BSN: variants seen among roughly 807,000 people sequenced by gnomAD.
The protein encoded by BSN is bassoon presynaptic cytomatrix protein.
Under a neutral mutation model 264.8 loss-of-function variants are expected in BSN, and 57 were observed. The ratio of observed to expected loss-of-function variants is 0.22; its 90% confidence interval spans 0.17 to 0.27. The LOEUF (loss-of-function observed/expected upper bound fraction) is 0.27. BSN is among the 10% of genes least tolerant of loss of function. The pLI, the probability that BSN is intolerant of heterozygous loss-of-function variation, is 1.00. For synonymous variants in BSN, 2,059 were observed against 2,137.3 expected (o/e 0.96, Z 1.01); for missense variants, 4,615 against 5,232.5 (o/e 0.88, Z 3.64).
Position 49,654,847 on chromosome 3 carries a change from G to T in BSN, c.5291G>T (p.Gly1764Val), listed in dbSNP as rs762216356. 1 of 1,613,548 alleles carries T rather than the reference G, an allele frequency of 6.2e-7. No homozygotes were observed. The highest frequency in any genetic ancestry group is 1.7e-5 in the Admixed American group (1 of 60,012). Reference protein sequence around the residue: ...PYQSRLDFGQGGGSPVCLAQV... With the variant: ...PYQSRLDFGQVGGSPVCLAQV... Reference sequence around the variant, plus strand: ...CAGAGCCGCCTTGACTTTGGCCAGGGTGGGGGTAGCCCTGTGTGCCTGGCC... The same window carrying T: ...CAGAGCCGCCTTGACTTTGGCCAGGTTGGGGGTAGCCCTGTGTGCCTGGCC... Residue 1764 changes from glycine (G) to valine (V), a missense_variant, in exon 5 of 12, where the codon GGT becomes GTT. Around this residue, in one of 3 missense-constraint regions of BSN, gnomAD observed 3,415 missense variants for 3,866.4 expected, o/e 0.88. Transcript: ENST00000296452. This position sits in a 1 kb window ranked among gnomAD's most constrained non-coding sequence, Gnocchi z 4.1.
chr3:49,578,500 T>C (rs2051865166), intron 1 of BSN, among the ~76,000 whole-genome samples: 1 of 151,844 alleles, frequency 6.6e-6, no homozygotes, highest in South Asian at 2.1e-4. Flanking sequence ...TTCCGCCTCC[T>C]GGGTTCACGC....
chr3:49,663,578 C>G lies in BSN; in HGVS notation c.11420C>G (p.Thr3807Ser). 6.2e-7 allele frequency: 1 copy of G among 1,606,562 alleles called. No homozygotes were observed. The highest frequency in any genetic ancestry group is 8.5e-7 in the Non-Finnish European group (1 of 1,177,866). Residue 3807 changes from threonine (T) to serine (S), a missense_variant, in exon 7 of 12, where the codon ACC becomes AGC. Thr to Ser is a moderately conservative substitution (Grantham distance 58, BLOSUM62 1). Around this residue, in one of 3 missense-constraint regions of BSN, gnomAD observed 3,415 missense variants for 3,866.4 expected, o/e 0.88. Transcript: ENST00000296452. ...ARLQQQSQPT[T>S]RGSAPAASQP... ...CTGCAGCAACAGAGCCAGCCAACCA[C>G]CCGGGGCTCAGCCCCTGCTGCCAGC...
chr3:49,568,306 A>T (rs1366463517), intron 1 of BSN, among the ~76,000 whole-genome samples: 1 of 152,222 alleles, frequency 6.6e-6, no homozygotes, highest in Non-Finnish European at 1.5e-5. Context: ...GAAAGTAAAG[A>T]ATTGAAAACA....
At position 49,655,722 on chromosome 3, in the gene BSN, C is replaced by CTATAGCTT; in HGVS notation, c.6167_6168insATAGCTTT (p.Pro2057Ter). On this transcript the variant is annotated stop_gained and frameshift_variant, in exon 5 of 12. Transcript: ENST00000296452. LOFTEE classifies it high-confidence loss of function. ...TCCTACAGACCTTTTGGCTCACCCGCTTCCCATGCGGCGCTATAGCTCAGT... is the reference window on the plus strand; with the variant it reads ...TCCTACAGACCTTTTGGCTCACCCGCTATAGCTTTTCCCATGCGGCGCTATAGCTCAGT... The CTATAGCTT allele has an allele frequency of 6.2e-7, 1 of 1,613,530 alleles. No homozygotes were observed. The highest frequency in any genetic ancestry group is 8.5e-7 in the Non-Finnish European group (1 of 1,180,042).
rs1276010516 is a variant in BSN at position 49,634,894 on chromosome 3, T to TA, written c.634-7373dup. 2.0e-5 allele frequency among the ~76,000 whole-genome samples: 3 copies of TA among 152,100 alleles called. No homozygotes were observed. The East Asian group carries it at 5.8e-4, about 29-fold the overall frequency. ...ACATACACATACACACACATATATATACACCCCTCCCCCGCCCAGCTGCTA... is the reference window on the plus strand; with the variant it reads ...ACATACACATACACACACATATATATAACACCCCTCCCCCGCCCAGCTGCTA... On this transcript the variant is annotated intron_variant, in intron 2 of 11. Transcript: ENST00000296452.
chr3:49,652,132 AGGATGACACTGCCAC>A lies in BSN; in HGVS notation c.2577_2591del (p.Glu859_Thr864delinsAsp), dbSNP rs1178243893. ...AGCGCCGAGGAAGACAACCTGGAGG[AGGATGACACTGCCAC>A]CTCCGGGCGTGGCCTGGCCAAACAT... On this transcript the variant is annotated inframe_deletion, in exon 5 of 12. Transcript: ENST00000296452. 6.2e-7 allele frequency: 1 copy of A among 1,613,834 alleles called. No homozygotes were observed. Among genetic ancestry groups the A allele is most frequent in the Non-Finnish European group, 8.5e-7 (1 of 1,179,870 alleles).
rs764124940 is a variant in BSN at position 49,655,158 on chromosome 3, G to A, written c.5602G>A (p.Gly1868Arg). ...GCCACACACAGTGGTGGTGCAGATGGGAGAGGGCACAGCAGGCACTGTGAC... is the reference window on the plus strand; with the variant it reads ...GCCACACACAGTGGTGGTGCAGATGAGAGAGGGCACAGCAGGCACTGTGAC... Reference protein sequence around the residue: ...RKPHTVVVQMGEGTAGTVTTL... With the variant: ...RKPHTVVVQMREGTAGTVTTL... The change falls in exon 5 of 12, where the codon GGA becomes AGA. Residue 1868 changes from glycine (G) to arginine (R), a missense_variant. Physicochemically the swap from Gly to Arg is moderately radical, Grantham distance 125. Around this residue, in one of 3 missense-constraint regions of BSN, gnomAD observed 3,415 missense variants for 3,866.4 expected, o/e 0.88. Coordinates refer to ENST00000296452, the MANE Select transcript of BSN (RefSeq NM_003458.4). 1.2e-6 allele frequency: 2 copies of A among 1,612,516 alleles called. No individual in the cohort carries two copies. Among genetic ancestry groups the A allele is most frequent in the South Asian group, 1.1e-5 (1 of 91,074 alleles).
chr3:49,630,539 G>C (rs1334550080), intron 2 of BSN, among the ~76,000 whole-genome samples: 1 of 152,206 alleles, frequency 6.6e-6, no homozygotes, highest in Non-Finnish European at 1.5e-5. Context: ...CCTTTGGCCT[G>C]CTTACTTGCT....
At chr3:49,575,355 A>AAT (rs1359171409) in intron 1 of BSN, among the ~76,000 whole-genome samples, 1 of 150,376 alleles carries the variant, frequency 6.6e-6, no homozygotes, top group Non-Finnish European at 1.5e-5. Context: ...CTCTGTCTCA[A>AAT]ATATATATAT....
In BSN at chr3:49,589,347, T is replaced by C. The variant is rs533252183; in HGVS notation, c.224+34521T>C. On this transcript the variant is annotated intron_variant, in intron 1 of 11. Coordinates refer to ENST00000296452, the MANE Select transcript of BSN (RefSeq NM_003458.4). ...GTATTGAAGTATCCAATTACTGTTGTTGAATTGTCTATTTCTCCCTTCAAT... is the reference window on the plus strand; with the variant it reads ...GTATTGAAGTATCCAATTACTGTTGCTGAATTGTCTATTTCTCCCTTCAAT... Among the ~76,000 whole-genome samples, 100 of 152,216 alleles carry C rather than the reference T, an allele frequency of 6.6e-4. 3 individuals are homozygous for C. In the South Asian group the frequency reaches 0.014, roughly 22 times the overall value.
intron 1 of BSN, among the ~76,000 whole-genome samples, chr3:49,567,800 A>G (rs1231857924): frequency 6.6e-6 from 1 of 152,234 alleles, no homozygotes; most frequent in Admixed American, 6.5e-5. Context: ...GCACAGTAGA[A>G]TGGAGTGTGT....
Position 49,655,900 on chromosome 3 carries a change from A to G in BSN, c.6344A>G (p.His2115Arg), listed in dbSNP as rs1164157212. Residue 2115 changes from histidine to arginine, a missense_variant, in exon 5 of 12, where the codon CAT (histidine) becomes CGT (arginine). Transcript: ENST00000296452. ...LNSMDQYGGR[H>R]GSGGGGPDLV... ...TCCATGGACCAGTATGGTGGGCGGC[A>G]TGGCAGTGGTGGTGGTGGCCCTGAC... is the stretch of plus-strand genomic sequence containing the variant. 6.2e-7 allele frequency: 1 copy of G among 1,612,526 alleles called. No individual in the cohort carries two copies. Among genetic ancestry groups the G allele is most frequent in the East Asian group, 2.2e-5 (1 of 44,884 alleles).
chr3:49,589,841 TTTG>T (rs1361378103), intron 1 of BSN, among the ~76,000 whole-genome samples: 6 of 129,508 alleles, frequency 4.6e-5, no homozygotes, highest in Non-Finnish European at 1.0e-4. Context: ...TTTCTTTTTC[TTTG>T]TTTTTTTTTT....
chr3:49,656,255 C>G lies in BSN; in HGVS notation c.6699C>G (p.Ile2233Met), dbSNP rs1220482359. The G allele has an allele frequency of 8.7e-6, 14 of 1,612,066 alleles. No homozygotes were observed. In the Middle Eastern group the frequency reaches 6.6e-4, roughly 76 times the overall value. Reference protein sequence around the residue: ...GMYRPYASGGITAVPLTSLTR... With the variant: ...GMYRPYASGGMTAVPLTSLTR... ...ACAGGCCTTACGCATCTGGTGGAAT[C>G]ACAGCCGTGCCACTCACCAGTCTGA... The change falls in exon 5 of 12, where the codon ATC (isoleucine) becomes ATG (methionine). Residue 2233 changes from isoleucine (I) to methionine (M), a missense_variant. Ile to Met is a conservative substitution (Grantham distance 10). Around this residue, in one of 3 missense-constraint regions of BSN, gnomAD observed 3,415 missense variants for 3,866.4 expected, o/e 0.88. Transcript: ENST00000296452.
intron 1 of BSN, among the ~76,000 whole-genome samples, chr3:49,597,403 G>A (rs1441235206): frequency 6.6e-6 from 1 of 151,908 alleles, no homozygotes; most frequent in African/African-American, 2.4e-5. Context: ...CTACAGCCTC[G>A]ACTTCCCAGG....
Position 49,657,476 on chromosome 3 carries a change from C to T in BSN, c.7920C>T (p.Gly2640=). ...GTCTTCCCCGCCACTCAGACTCAGGCTCTGACAGCAAGCACGATGCCACTG... is the reference window on the plus strand; with the variant it reads ...GTCTTCCCCGCCACTCAGACTCAGGTTCTGACAGCAAGCACGATGCCACTG... ...RSRLPRHSDS[G]SDSKHDATAS... The change falls in exon 5 of 12, where the codon GGC becomes GGT. Residue 2640 remains glycine (G), a synonymous_variant. Coordinates refer to ENST00000296452, the MANE Select transcript of BSN (RefSeq NM_003458.4). 2 of 1,613,164 alleles carry T rather than the reference C, an allele frequency of 1.2e-6. No homozygotes were observed. The highest frequency in any genetic ancestry group is 1.7e-6 in the Non-Finnish European group (2 of 1,179,948).
In BSN at chr3:49,660,800, A is replaced by G. The variant is rs777121379; in HGVS notation, c.8955A>G (p.Gln2985=). The change falls in exon 6 of 12, where the codon CAA becomes CAG. Residue 2985 remains glutamine, a synonymous_variant. Coordinates refer to ENST00000296452, the MANE Select transcript of BSN (RefSeq NM_003458.4). The surrounding 1 kb of genome is among the most constrained non-coding windows in gnomAD (Gnocchi z 7.1). ...KLKYLELGIT[Q]RKESLAKDRG... ...AGTACCTGGAGTTGGGTATCACACA[A>G]CGCAAAGAGTCTTTGGCCAAAGACC... 4 of 1,613,002 alleles carry G rather than the reference A, an allele frequency of 2.5e-6. No homozygotes were observed. Among genetic ancestry groups the G allele is most frequent in the Non-Finnish European group, 3.4e-6 (4 of 1,179,974 alleles).
intron 1 of BSN, among the ~76,000 whole-genome samples, chr3:49,589,737 G>A (rs2051963475): frequency 6.6e-6 from 1 of 150,946 alleles, no homozygotes; most frequent in Non-Finnish European, 1.5e-5. Context: ...AATCTCCTGA[G>A]CTCAGGCGAT....
chr3:49,588,875 G>A (rs1349550051), intron 1 of BSN, among the ~76,000 whole-genome samples: 1 of 150,864 alleles, frequency 6.6e-6, no homozygotes, highest in Non-Finnish European at 1.5e-5. Flanking sequence ...GGTGTTCCGT[G>A]TACATTTGAG....
Sources: gnomAD v4.1 joint callset for allele counts (sites outside exome capture counted in the v4.1 genomes callset) on GRCh38, gnomAD v4.1.1 for gene constraint, gnomAD v4.1.1 regional missense constraint, Gnocchi (gnomAD v3.1) non-coding constraint, MANE v1.5 for transcripts, NCBI Gene and HGNC (gene_info 2026-07-23, HGNC 2026-07-21) for gene names.